Variants in EPB41L2 observed in about 807,000 individuals in gnomAD.
EPB41L2 encodes band 4.1-like protein 2.
Under a neutral mutation model 113.0 loss-of-function variants are expected in EPB41L2, and 43 were observed. The observed-to-expected ratio is 0.38, with a 90% CI of 0.30 to 0.49. The LOEUF (loss-of-function observed/expected upper bound fraction) is 0.49. Among genes scored for constraint, EPB41L2 ranks in the 20% least tolerant of loss-of-function variants. The pLI, the probability that EPB41L2 is intolerant of heterozygous loss-of-function variation, is 0.95. For missense variants in EPB41L2, 1,147 were observed against 1,223.4 expected, an observed-to-expected ratio of 0.94 and a Z score of 0.93; for synonymous variants, 442 against 436.7, an observed-to-expected ratio of 1.01 and a Z score of -0.15.
At position 130,869,695 on chromosome 6, in the gene EPB41L2, T is replaced by C; in HGVS notation, c.2475A>G (p.Gly825=). The change falls in exon 15 of 20, where the codon GGA becomes GGG. Residue 825 remains glycine, a synonymous_variant. Transcript: ENST00000337057. ...GAGCGCCTTCGTGTACACTCTTCTC[T>C]CCGGGTATCTTTTGGGCACCTACAT... The part of the protein sequence containing the change: ...QENVGAQKIP[G]EKSVHEGALK... 6.2e-7 allele frequency: 1 copy of C among 1,614,196 alleles called. No individual in the cohort carries two copies. Among genetic ancestry groups the C allele is most frequent in the Non-Finnish European group, 8.5e-7 (1 of 1,180,042 alleles).
intron 18 of EPB41L2, among the ~76,000 whole-genome samples, chr6:130,859,275 A>G (rs571172896): frequency 6.6e-6 from 1 of 152,248 alleles, no homozygotes; most frequent in South Asian, 2.1e-4. Context: ...TAATCCCAGC[A>G]CTTTGGGACG....
intron 1 of EPB41L2, among the ~76,000 whole-genome samples, chr6:131,043,064 C>T (rs1473350872): frequency 6.6e-6 from 1 of 152,008 alleles, no homozygotes; most frequent in Non-Finnish European, 1.5e-5. Flanking sequence ...TTTGAGAGGC[C>T]GAGGCAGGCA....
intron 3 of EPB41L2, among the ~76,000 whole-genome samples, chr6:130,954,040 C>CTTTTTTCT (rs1816395598): frequency 5.1e-5 from 3 of 58,852 alleles, no homozygotes; most frequent in Non-Finnish European, 9.9e-5. Context: ...CCTTTTCTTT[C>CTTTTTTCT]TTTTTTTTTT....
In EPB41L2 at chr6:130,863,715, C is replaced by T. The variant is rs762975899; in HGVS notation, c.2833G>A (p.Val945Ile). ...TTTTTHITKT[V>I]KGGISETRIE... The stretch of plus-strand genomic sequence containing the variant: ...CTTGTTTCAGAAATTCCACCTTTTA[C>T]AGTCTAAAGGTCATAAAGGAGAAGA... Residue 945 changes from valine to isoleucine, a missense_variant, in exon 18 of 20, where the codon GTA (valine) becomes ATA (isoleucine). Physicochemically the swap from Val to Ile is conservative, Grantham distance 29. Transcript: ENST00000337057. 1.6e-5 allele frequency: 25 copies of T among 1,609,908 alleles called. No homozygotes were observed. In the Admixed American group the frequency reaches 4.2e-4, roughly 27 times the overall value.
At chr6:131,038,741 G>C (rs1400510966) in intron 1 of EPB41L2, among the ~76,000 whole-genome samples, 2 of 152,014 alleles carry the variant, frequency 1.3e-5, no homozygotes, top group African/African-American at 4.8e-5. Context: ...TATTAATATG[G>C]TATGCAGCTG....
At chr6:130,841,661 T>A (rs375446367) in intron 19 of EPB41L2, among the ~76,000 whole-genome samples, 1 of 152,116 alleles carries the variant, frequency 6.6e-6, no homozygotes, top group Admixed American at 6.5e-5. Context: ...CTAAGGAGAA[T>A]AATCAGAGTG....
At chr6:130,976,784 A>AC in intron 1 of EPB41L2, among the ~76,000 whole-genome samples, 1 of 152,370 alleles carries the variant, frequency 6.6e-6, no homozygotes, top group South Asian at 2.1e-4. Context: ...TCCAGCAGGT[A>AC]CATTAAACTG....
chr6:130,980,952 G>A lies in EPB41L2; in HGVS notation c.-14-24453C>T, dbSNP rs183059966. ...TTTTATAGAATGAGGTGTTGCTCCA[G>A]TCTTGAATGGCAAATAAAAACCAAT... is the stretch of plus-strand genomic sequence containing the variant. On this transcript the variant is annotated intron_variant, in intron 1 of 19. Coordinates refer to ENST00000337057, the MANE Select transcript of EPB41L2 (RefSeq NM_001431.4). Among the ~76,000 whole-genome samples, 26 of 152,050 alleles carry A rather than the reference G, an allele frequency of 1.7e-4. No homozygotes were observed. The East Asian group carries it at 4.1e-3, about 24-fold the overall frequency.
At chr6:130,929,173 G>T (rs182559671) in intron 3 of EPB41L2, among the ~76,000 whole-genome samples, 77 of 152,304 alleles carry the variant, frequency 5.1e-4, no homozygotes, top group Middle Eastern at 3.4e-3. Flanking sequence ...AGCACATGTT[G>T]AGAGAGCGAT....
chr6:130,947,565 A>G (rs1420469366), intron 3 of EPB41L2, among the ~76,000 whole-genome samples: 1 of 152,184 alleles, frequency 6.6e-6, no homozygotes, highest in Non-Finnish European at 1.5e-5. Flanking sequence ...TAATAGCTAC[A>G]GTTTCCCATA....
At chr6:130,876,855 A>G in intron 14 of EPB41L2, 1 of 805,492 alleles carries the variant, frequency 1.2e-6, no homozygotes, top group Non-Finnish European at 1.8e-6. Flanking sequence ...CAAAATACTG[A>G]CCCAGTGTGG....
At chr6:130,992,659 C>T (rs4897479) in intron 1 of EPB41L2, among the ~76,000 whole-genome samples, 129,839 of 150,968 alleles carry the variant, frequency 0.86, 56,394 homozygotes, top group East Asian at 1. Context: ...TGAGACAGAG[C>T]CTCGCTCAGT....
At chr6:131,046,140 C>A (rs1247951750) in intron 1 of EPB41L2, among the ~76,000 whole-genome samples, 1 of 147,654 alleles carries the variant, frequency 6.8e-6, no homozygotes, top group Non-Finnish European at 1.5e-5. Flanking sequence ...AGGCCAGTCT[C>A]AACCTCCTGA....
intron 1 of EPB41L2, among the ~76,000 whole-genome samples, chr6:131,024,419 A>T (rs1790363983): frequency 6.6e-6 from 1 of 152,172 alleles, no homozygotes; most frequent in African/African-American, 2.4e-5. Flanking sequence ...GGCACGGCTA[A>T]GCCTTCCAGC....
intron 1 of EPB41L2, among the ~76,000 whole-genome samples, chr6:131,055,239 C>T (rs1315570977): frequency 6.6e-6 from 1 of 152,150 alleles, no homozygotes; most frequent in Non-Finnish European, 1.5e-5. Flanking sequence ...TGGAGAATGC[C>T]ATTTGCACTT....
intron 1 of EPB41L2, among the ~76,000 whole-genome samples, chr6:131,061,167 A>G (rs555639659): frequency 6.6e-6 from 1 of 152,264 alleles, no homozygotes; most frequent in South Asian, 2.1e-4. Flanking sequence ...GGATGTTTTA[A>G]AAGGAAAGAA....
At chr6:130,858,106 C>G in intron 19 of EPB41L2, 25 bp downstream of exon 19, 1 of 1,567,652 alleles carries the variant, frequency 6.4e-7, no homozygotes, top group Non-Finnish European at 8.8e-7. Flanking sequence ...ACTAGAAAGG[C>G]CACAGACAAT....
At position 130,876,430 on chromosome 6, in the gene EPB41L2, C is replaced by T. The variant is rs563296071; in HGVS notation, c.2043+1674G>A. Among the ~76,000 whole-genome samples the T allele has an allele frequency of 3.3e-5, 5 of 152,306 alleles. No individual in the cohort carries two copies. In the East Asian group the frequency reaches 5.8e-4, roughly 18 times the overall value. On this transcript the variant is annotated intron_variant, in intron 14 of 19. Transcript: ENST00000337057. ...ACATCAAATTAGGAATCAGTTATCA[C>T]CTAAATTGGTTGATGTTTCTGTATT... is the stretch of plus-strand genomic sequence containing the variant.
In EPB41L2 at chr6:130,976,581, G is replaced by A. The variant is rs187799414; in HGVS notation, c.-14-20082C>T. On this transcript the variant is annotated intron_variant, in intron 1 of 19. Transcript: ENST00000337057. ...AGAGAAAGTGGAAGCAGGTACAGAA[G>A]GAGGAAAATGGACAAAAGAATAAAA... 2.5e-3 allele frequency among the ~76,000 whole-genome samples: 376 copies of A among 152,282 alleles called. 2 individuals are homozygous for A. Among genetic ancestry groups the A allele is most frequent in the Admixed American group, 3.0e-3 (46 of 15,294 alleles).
Sources: allele counts gnomAD v4.1 joint callset (sites outside exome capture counted in the v4.1 genomes callset), GRCh38; gene constraint gnomAD v4.1.1; transcripts MANE v1.5; gene names NCBI Gene and HGNC (gene_info 2026-07-23, HGNC 2026-07-21).